The following ADAMTS2 variants were observed in gnomAD, a reference collection of about 807,000 sequenced individuals.
ADAMTS2 encodes the protein ADAM metallopeptidase with thrombospondin type 1 motif 2.
Under a neutral mutation model 123.0 loss-of-function variants are expected in ADAMTS2, and 50 were observed. That is an observed-to-expected ratio of 0.41 (90% CI 0.32 to 0.51). ADAMTS2 has a LOEUF of 0.51. Among genes scored for constraint, ADAMTS2 ranks in the 20% least tolerant of loss-of-function variants. The pLI, the probability that ADAMTS2 is intolerant of heterozygous loss-of-function variation, is 0.35. For synonymous variants in ADAMTS2, 678 were observed against 695.4 expected (o/e 0.98, Z 0.39); for missense variants, 1,494 against 1,705.2 (o/e 0.88, Z 2.18).
chr5:179,209,969 C>G (rs1005881489), intron 3 of ADAMTS2, among the ~76,000 whole-genome samples: 11 of 152,334 alleles, frequency 7.2e-5, no homozygotes, highest in African/African-American at 2.2e-4. Flanking sequence ...GGGCGGTGCC[C>G]TCGGCAAAAC....
intron 3 of ADAMTS2, among the ~76,000 whole-genome samples, chr5:179,266,616 T>C (rs969997801): frequency 2.0e-5 from 3 of 152,298 alleles, no homozygotes; most frequent in Admixed American, 1.3e-4. Context: ...AGGTGTGCTG[T>C]TTTAAGCCAT....
At chr5:179,344,940 C>G (rs980402732) in intron 1 of ADAMTS2, among the ~76,000 whole-genome samples, 1 of 152,104 alleles carries the variant, frequency 6.6e-6, no homozygotes, top group Non-Finnish European at 1.5e-5. Flanking sequence ...CCCGGCCCTC[C>G]GTCCCCACCC....
intron 3 of ADAMTS2, among the ~76,000 whole-genome samples, chr5:179,257,982 C>T (rs776006484): frequency 1.2e-4 from 19 of 152,208 alleles, no homozygotes; most frequent in Non-Finnish European, 2.4e-4. Context: ...TCTACCTGGG[C>T]CCAGTGATCT....
chr5:179,278,623 G>A (rs951330190), intron 2 of ADAMTS2, among the ~76,000 whole-genome samples: 1 of 152,048 alleles, frequency 6.6e-6, no homozygotes, highest in African/African-American at 2.4e-5. Context: ...TTGGTACCCC[G>A]ACCTGGCTCT....
At chr5:179,200,284 T>C (rs1764532056) in intron 4 of ADAMTS2, among the ~76,000 whole-genome samples, 1 of 142,036 alleles carries the variant, frequency 7.0e-6, no homozygotes, top group Non-Finnish European at 1.5e-5. Flanking sequence ...AATCTCACTC[T>C]GTCGCCCAGA....
intron 4 of ADAMTS2, among the ~76,000 whole-genome samples, chr5:179,191,366 C>T (rs1317756444): frequency 1.3e-5 from 2 of 152,174 alleles, no homozygotes; most frequent in East Asian, 3.9e-4. Context: ...TCGTGCCACC[C>T]CCGGCCCTGG....
At chr5:179,137,717 ACCCTAGG>A (rs2113218159) in intron 12 of ADAMTS2, 45 bp downstream of exon 12, 20 of 632,246 alleles carry the variant, frequency 3.2e-5, no homozygotes, top group South Asian at 2.7e-4. Flanking sequence ...CACCCTGCCC[ACCCTAGG>A]GCCTGCCTGC....
intron 11 of ADAMTS2, among the ~76,000 whole-genome samples, chr5:179,139,597 C>T (rs1459120234): frequency 7.9e-5 from 12 of 152,128 alleles, no homozygotes; most frequent in Non-Finnish European, 2.9e-5. Context: ...CTCGGTCCTC[C>T]CTCCTCTCCT....
chr5:179,134,750 GGCTCCA>G (rs1187209401), intron 13 of ADAMTS2, among the ~76,000 whole-genome samples: 5 of 110,646 alleles, frequency 4.5e-5, no homozygotes, highest in Non-Finnish European at 8.4e-5. Flanking sequence ...TCCAGCTCCC[GGCTCCA>G]GCTCCAGCTC....
chr5:179,242,229 C>T lies in ADAMTS2; in HGVS notation c.688+30682G>A, dbSNP rs1409727905. 7.2e-5 allele frequency among the ~76,000 whole-genome samples: 11 copies of T among 152,342 alleles called. No homozygotes were observed. Among genetic ancestry groups the T allele is most frequent in the African/African-American group, 2.4e-4 (10 of 41,574 alleles). On this transcript the variant is annotated intron_variant, in intron 3 of 21. Coordinates refer to ENST00000251582, the MANE Select transcript of ADAMTS2 (RefSeq NM_014244.5). This position sits in a 1 kb window ranked among gnomAD's most constrained non-coding sequence, Gnocchi z 4.2. ...AGCCAAGTCCTAGGAGGAGGAGAGA[C>T]GCTGAGCCTTGGCAGCCTCGTGTGG...
chr5:179,129,528 T>C lies in ADAMTS2; in HGVS notation c.2457+404A>G, dbSNP rs1254624147. ...TACAACCAGGAGATCTGGGGTCCCA[T>C]CCTGCTTAGAGACACAGTCCAGCTC... On this transcript the variant is annotated intron_variant, in intron 16 of 21. Transcript: ENST00000251582. This position sits in a 1 kb window ranked among gnomAD's most constrained non-coding sequence, Gnocchi z 4.1. 2.0e-5 allele frequency among the ~76,000 whole-genome samples: 3 copies of C among 152,178 alleles called. No individual in the cohort carries two copies. The highest frequency in any genetic ancestry group is 4.4e-5 in the Non-Finnish European group (3 of 68,020).
chr5:179,224,291 A>T (rs1263341002), intron 3 of ADAMTS2, among the ~76,000 whole-genome samples: 1 of 152,092 alleles, frequency 6.6e-6, no homozygotes, highest in Non-Finnish European at 1.5e-5. Flanking sequence ...ACACCCTGAC[A>T]TCCGTAGGCG....
In ADAMTS2 at chr5:179,317,696, G is replaced by A. The variant is rs984248558; in HGVS notation, c.534+26071C>T. 2.1e-4 allele frequency among the ~76,000 whole-genome samples: 32 copies of A among 152,160 alleles called. No homozygotes were observed. The highest frequency in any genetic ancestry group is 7.0e-4 in the African/African-American group (29 of 41,442). On this transcript the variant is annotated intron_variant, in intron 2 of 21. Transcript: ENST00000251582. The surrounding 1 kb of genome is among the most constrained non-coding windows in gnomAD (Gnocchi z 4.9). ...ACACAAACGCCCCCACATGTGCATCGCATACATCACCCACACACACACGTG... is the reference window on the plus strand; with the variant it reads ...ACACAAACGCCCCCACATGTGCATCACATACATCACCCACACACACACGTG...
intron 2 of ADAMTS2, among the ~76,000 whole-genome samples, chr5:179,281,527 C>A (rs1193568271): frequency 6.6e-6 from 1 of 152,208 alleles, no homozygotes. Context: ...TATTTCATTC[C>A]TCTTTTATTG....
chr5:179,210,935 C>G (rs1173317977), intron 3 of ADAMTS2, among the ~76,000 whole-genome samples: 1 of 152,262 alleles, frequency 6.6e-6, no homozygotes, highest in African/African-American at 2.4e-5. Flanking sequence ...TGAAGAGACT[C>G]TGACCACATG....
In ADAMTS2 at chr5:179,312,820, C is replaced by T. The variant is rs1421065130; in HGVS notation, c.534+30947G>A. ...GGGAGCGCGGCCCTGCCGCCACCTGCGTTTTGCCCTGTTGAAACTGATTTC... is the reference window on the plus strand; with the variant it reads ...GGGAGCGCGGCCCTGCCGCCACCTGTGTTTTGCCCTGTTGAAACTGATTTC... On this transcript the variant is annotated intron_variant, in intron 2 of 21. Coordinates refer to ENST00000251582, the MANE Select transcript of ADAMTS2 (RefSeq NM_014244.5). This position sits in a 1 kb window ranked among gnomAD's most constrained non-coding sequence, Gnocchi z 4.2. Among the ~76,000 whole-genome samples the T allele has an allele frequency of 6.6e-6, 1 of 152,224 alleles. No individual in the cohort carries two copies. Among genetic ancestry groups the T allele is most frequent in the African/African-American group, 2.4e-5 (1 of 41,444 alleles).
chr5:179,233,116 C>A (rs774111872), intron 3 of ADAMTS2, among the ~76,000 whole-genome samples: 6 of 152,164 alleles, frequency 3.9e-5, no homozygotes, highest in African/African-American at 1.4e-4. Context: ...CTGGGAGAAT[C>A]GTTTTTCAGC....
chr5:179,258,909 C>A (rs867126752), intron 3 of ADAMTS2, among the ~76,000 whole-genome samples: 1 of 152,200 alleles, frequency 6.6e-6, no homozygotes, highest in Non-Finnish European at 1.5e-5. Context: ...ACTCCCAACA[C>A]CCTTCCTGCA....
At chr5:179,268,937 T>C (rs904251486) in intron 3 of ADAMTS2, among the ~76,000 whole-genome samples, 3 of 152,250 alleles carry the variant, frequency 2.0e-5, no homozygotes, top group African/African-American at 7.2e-5. Context: ...TCCTGATCCC[T>C]GCAACCTGAG....
Sources: gnomAD v4.1 joint callset for allele counts (sites outside exome capture counted in the v4.1 genomes callset) on GRCh38, gnomAD v4.1.1 for gene constraint, Gnocchi (gnomAD v3.1) non-coding constraint, MANE v1.5 for transcripts, NCBI Gene and HGNC (gene_info 2026-07-23, HGNC 2026-07-21) for gene names.